ZSWIM8: variants seen among roughly 807,000 people sequenced by gnomAD.
ZSWIM8 encodes zinc finger SWIM domain-containing protein 8.
ZSWIM8 carries 27 observed loss-of-function variants against 173.7 expected under a neutral mutation model. The ratio of observed to expected loss-of-function variants is 0.16; its 90% CI spans 0.11 to 0.21. The LOEUF is 0.21. Among genes scored for constraint, ZSWIM8 ranks in the 10% least tolerant of loss-of-function variants. The probability of loss-of-function intolerance (pLI) is 1.00; values close to 1 mark genes in which losing one functional copy is unlikely to be tolerated. For missense variants in ZSWIM8, 1,627 were observed against 2,428.8 expected, an observed-to-expected ratio of 0.67 and a Z score of 6.94; for synonymous variants, 958 against 962.0, an observed-to-expected ratio of 1.00 and a Z score of 0.08.
In ZSWIM8 at chr10:73,800,108, C is replaced by T; in HGVS notation, c.4763C>T (p.Ala1588Val). 1.2e-6 allele frequency: 2 copies of T among 1,613,892 alleles called. No individual in the cohort carries two copies. The highest frequency in any genetic ancestry group is 4.5e-5 in the East Asian group (2 of 44,882). The change falls in exon 22 of 26, where the codon GCA (alanine) becomes GTA (valine). Residue 1588 changes from alanine (A) to valine (V), a missense_variant. Transcript: ENST00000604729. This position sits in a 1 kb window ranked among gnomAD's most constrained non-coding sequence, Gnocchi z 4.1. The part of the protein sequence containing the change: ...TAVSFPVPSM[A>V]PITVHPYHTE... ...GTGTCTTTCCCCGTTCCTTCCATGG[C>T]ACCCATCACAGTACATCCCTACCAC...
rs1290664720 is a variant in ZSWIM8, at chr10:73,789,052, G to A, written c.363-44G>A. On this transcript the variant is annotated intron_variant, in intron 2 of 25. Transcript: ENST00000604729. This position sits in a 1 kb window ranked among gnomAD's most constrained non-coding sequence, Gnocchi z 6.8. ...GTGGTCTCTGACAGGGTCTGCCAAA[G>A]GTTATTTGCTGAGTTGTGGCTGTGT... 3.7e-6 allele frequency: 6 copies of A among 1,601,854 alleles called. No individual in the cohort carries two copies. The highest frequency in any genetic ancestry group is 2.7e-5 in the African/African-American group (2 of 74,006).
Position 73,792,057 on chromosome 10 carries a change from G to C in ZSWIM8, c.1518G>C (p.Leu506=), listed in dbSNP as rs750600342. 6.5e-7 allele frequency: 1 copy of C among 1,544,034 alleles called. No homozygotes were observed. Among genetic ancestry groups the C allele is most frequent in the South Asian group, 1.2e-5 (1 of 83,886 alleles). ...TYSGTDRKLA[L]CWARALPSRP... Reference sequence around the variant, plus strand: ...GCGGCACTGACAGGAAGCTGGCACTGTGCTGGGCCCGGGCCCTGCCCTCTC... The same window carrying C: ...GCGGCACTGACAGGAAGCTGGCACTCTGCTGGGCCCGGGCCCTGCCCTCTC... The change falls in exon 10 of 26, where the codon CTG becomes CTC. Residue 506 remains leucine (L), a synonymous_variant. Coordinates refer to ENST00000604729, the MANE Select transcript of ZSWIM8 (RefSeq NM_001367799.1). The surrounding 1 kb of genome is among the most constrained non-coding windows in gnomAD (Gnocchi z 4.3).
Position 73,797,923 on chromosome 10 carries a change from C to T in ZSWIM8, c.3805C>T (p.Pro1269Ser), listed in dbSNP as rs1424539403. Residue 1269 changes from proline to serine, a missense_variant, in exon 19 of 26, where the codon CCA becomes TCA. Physicochemically the swap from Pro to Ser is moderately conservative, Grantham distance 74. Around this residue, in one of 18 missense-constraint regions of ZSWIM8, gnomAD observed 95 missense variants for 271.3 expected, o/e 0.35. Transcript: ENST00000604729. The surrounding 1 kb of genome is among the most constrained non-coding windows in gnomAD (Gnocchi z 5.6). ...CAGCAGCACTTCCATTTTCACACATCCATCTTCCTCAGGGGGCCACCAGGG... is the reference window on the plus strand; with the variant it reads ...CAGCAGCACTTCCATTTTCACACATTCATCTTCCTCAGGGGGCCACCAGGG... ...GNSSTSIFTH[P>S]SSSGGHQGPH... 1.9e-6 allele frequency: 3 copies of T among 1,614,002 alleles called. No homozygotes were observed. Among genetic ancestry groups the T allele is most frequent in the Non-Finnish European group, 1.7e-6 (2 of 1,179,904 alleles).
intron 1 of ZSWIM8, 129 bp from the exon 2 acceptor site, chr10:73,788,541 A>G: frequency 8.5e-7 from 1 of 1,183,310 alleles, no homozygotes; most frequent in Non-Finnish European, 1.2e-6. Context: ...TAGGACTTTC[A>G]TCCAGGTCTC....
Position 73,797,753 on chromosome 10 carries a change from C to T in ZSWIM8, c.3663-28C>T, listed in dbSNP as rs1454371274. On this transcript the variant is annotated intron_variant, in intron 18 of 25. Coordinates refer to ENST00000604729, the MANE Select transcript of ZSWIM8 (RefSeq NM_001367799.1). The surrounding 1 kb of genome is among the most constrained non-coding windows in gnomAD (Gnocchi z 5.6). ...ATGCCCATTTCAAAGAAACCCCAAC[C>T]CCCGTCCCTACCCCATTGCCCCTTC... 1.1e-5 allele frequency: 18 copies of T among 1,601,492 alleles called. No homozygotes were observed. Among genetic ancestry groups the T allele is most frequent in the Non-Finnish European group, 1.5e-5 (18 of 1,172,138 alleles).
intron 1 of ZSWIM8, among the ~76,000 whole-genome samples, chr10:73,787,579 C>T (rs1338023133): frequency 6.6e-6 from 1 of 152,100 alleles, no homozygotes; most frequent in Non-Finnish European, 1.5e-5. Context: ...TGGCCAGGTG[C>T]GGTGGCTCGT....
rs1206740912 is a variant in ZSWIM8 at position 73,797,252 on chromosome 10, G to A, written c.3414G>A (p.Arg1138=). ...YNGRGWGSPG[R]PKKKHTGMAS... is the part of the protein sequence containing the mutation. ...GACGGGGATGGGGGTCCCCAGGACG[G>A]CCTAAGAAGAAGCACACAGGTAGGA... The change falls in exon 17 of 26, where the codon CGG becomes CGA. Residue 1138 remains arginine (R), a synonymous_variant. Coordinates refer to ENST00000604729, the MANE Select transcript of ZSWIM8 (RefSeq NM_001367799.1). This position sits in a 1 kb window ranked among gnomAD's most constrained non-coding sequence, Gnocchi z 5.6. 4 of 1,613,882 alleles carry A rather than the reference G, an allele frequency of 2.5e-6. No individual in the cohort carries two copies. Among genetic ancestry groups the A allele is most frequent in the Admixed American group, 1.7e-5 (1 of 60,008 alleles).
chr10:73,792,143 C>T lies in ZSWIM8; in HGVS notation c.1604C>T (p.Pro535Leu), dbSNP rs1339545420. 1 of 1,531,832 alleles carries T rather than the reference C, an allele frequency of 6.5e-7. No individual in the cohort carries two copies. The highest frequency in any genetic ancestry group is 8.8e-7 in the Non-Finnish European group (1 of 1,140,048). 94.9% of individuals were successfully genotyped at this position (1,531,832 alleles called of 1,614,324 possible). Residue 535 changes from proline (P) to leucine (L), a missense_variant, in exon 10 of 26, where the codon CCT becomes CTT. Transcript: ENST00000604729. This position sits in a 1 kb window ranked among gnomAD's most constrained non-coding sequence, Gnocchi z 4.3. ...EESRDRPRPL[P>L]TEPAVRPKEP... ...TCCCGGGACCGGCCCCGACCCCTTC[C>T]TACTGAGCCAGCTGTGCGGCCCAAG... is the stretch of plus-strand genomic sequence containing the variant.
chr10:73,788,551 C>T, intron 1 of ZSWIM8, 119 bp from the exon 2 acceptor site: 4 of 1,277,644 alleles, frequency 3.1e-6, no homozygotes, highest in East Asian at 2.4e-5. Context: ...ATCCAGGTCT[C>T]TTCTTTCTTT....
rs2083528762 is a variant in ZSWIM8, at chr10:73,794,291, A to G, written c.2770A>G (p.Met924Val). The G allele has an allele frequency of 6.2e-7, 1 of 1,613,270 alleles. No individual in the cohort carries two copies. Among genetic ancestry groups the G allele is most frequent in the Non-Finnish European group, 8.5e-7 (1 of 1,179,278 alleles). ...LCDYRPVLPL[M>V]LASFIFDVLC... is the part of the protein sequence containing the mutation. ...TGACTATCGGCCTGTGTTGCCTCTC[A>G]TGCTGGCCAGTTTCATCTTTGACGT... The change falls in exon 13 of 26, where the codon ATG becomes GTG. Residue 924 changes from methionine to valine, a missense_variant. Met to Val is a conservative substitution (Grantham distance 21). Coordinates refer to ENST00000604729, the MANE Select transcript of ZSWIM8 (RefSeq NM_001367799.1).
chr10:73,800,927 T>G lies in ZSWIM8; in HGVS notation c.5123-90T>G, dbSNP rs1006043482. 3.9e-5 allele frequency: 53 copies of G among 1,364,486 alleles called. No homozygotes were observed. Among genetic ancestry groups the G allele is most frequent in the Non-Finnish European group, 4.7e-5 (47 of 1,000,406 alleles). 84.5% of individuals were successfully genotyped at this position (1,364,486 alleles called of 1,614,324 possible). On this transcript the variant is annotated intron_variant, in intron 24 of 25. Transcript: ENST00000604729. This position sits in a 1 kb window ranked among gnomAD's most constrained non-coding sequence, Gnocchi z 4.1. The stretch of plus-strand genomic sequence containing the variant: ...CTCAGCTCCTGGGGTGGAGGGAGGC[T>G]CTCTGCCAGGCCAGAGCTGAGATCT...
At chr10:73,786,445 A>C in intron 1 of ZSWIM8, 1 of 240,168 alleles carries the variant, frequency 4.2e-6, no homozygotes, top group East Asian at 7.6e-5. Flanking sequence ...AGGGAGAAGA[A>C]TCTTGTCTTT....
rs776547086 is a variant in ZSWIM8 at position 73,799,321 on chromosome 10, G to A, written c.4496G>A (p.Gly1499Asp). ...TCGGTGGGGTCTAGTTTATACCCGG[G>A]TCCAGGACTGGGGCATGGCCACTCC... ...VISVGSSLYP[G>D]PGLGHGHSPG... The change falls in exon 21 of 26, where the codon GGT becomes GAT. Residue 1499 changes from glycine to aspartate, a missense_variant. This residue lies in a region of ZSWIM8 where 275 missense variants were observed against 290.1 expected (regional missense o/e 0.95). Coordinates refer to ENST00000604729, the MANE Select transcript of ZSWIM8 (RefSeq NM_001367799.1). The A allele has an allele frequency of 6.2e-7, 1 of 1,608,788 alleles. No homozygotes were observed. The highest frequency in any genetic ancestry group is 8.5e-7 in the Non-Finnish European group (1 of 1,177,792).
intron 7 of ZSWIM8, 23 bp downstream of exon 7, chr10:73,790,315 TGTGTCTGTG>T (rs1229337344): frequency 6.3e-7 from 1 of 1,576,072 alleles, no homozygotes; most frequent in Non-Finnish European, 8.6e-7. Flanking sequence ...TCTGCATACC[TGTGTCTGTG>T]GTGGAGGGGG....
Position 73,797,652 on chromosome 10 carries a change from G to T in ZSWIM8, c.3662+47G>T. 6.2e-7 allele frequency: 1 copy of T among 1,601,600 alleles called. No individual in the cohort carries two copies. Among genetic ancestry groups the T allele is most frequent in the Non-Finnish European group, 8.5e-7 (1 of 1,171,952 alleles). On this transcript the variant is annotated intron_variant, in intron 18 of 25. Transcript: ENST00000604729. This position sits in a 1 kb window ranked among gnomAD's most constrained non-coding sequence, Gnocchi z 5.6. ...TCTTCCCTGATCTGGCCCACCCTCA[G>T]AGCCACACCCCTAGTGCAATCCAAC...
rs2083963546 is a variant in ZSWIM8, at chr10:73,801,545, A to G, written c.*26A>G. The G allele has an allele frequency of 6.2e-7, 1 of 1,611,018 alleles. No individual in the cohort carries two copies. The highest frequency in any genetic ancestry group is 1.1e-5 in the South Asian group (1 of 90,824). On this transcript the variant is annotated 3_prime_UTR_variant, in exon 26 of 26. Transcript: ENST00000604729. This position sits in a 1 kb window ranked among gnomAD's most constrained non-coding sequence, Gnocchi z 4.9. ...GTCTTTCACCCTTAGGGTCCTATAC[A>G]GGGACCCAGGCCTGTGGCTATGGGG...
chr10:73,790,625 G>T (rs1320745780), intron 7 of ZSWIM8, among the ~76,000 whole-genome samples: 1 of 152,170 alleles, frequency 6.6e-6, no homozygotes, highest in Admixed American at 6.5e-5. Context: ...GACGTGGGCA[G>T]ATCACCTGAG....
At position 73,792,915 on chromosome 10, in the gene ZSWIM8, G is replaced by C. The variant is rs920898745; in HGVS notation, c.2313+63G>C. 2 of 1,493,922 alleles carry C rather than the reference G, an allele frequency of 1.3e-6. No individual in the cohort carries two copies. The highest frequency in any genetic ancestry group is 1.8e-6 in the Non-Finnish European group (2 of 1,127,150). 92.5% of individuals were successfully genotyped at this position (1,493,922 alleles called of 1,614,324 possible). A position where few individuals can be genotyped will look rare whatever the true frequency, so the allele number is the denominator to read the frequency against. ...AGCCACAACTGGGAGGGGCTATCTA[G>C]CTCTAGTTGGGAGTGTCAGGACCAT... On this transcript the variant is annotated intron_variant, in intron 10 of 25. Coordinates refer to ENST00000604729, the MANE Select transcript of ZSWIM8 (RefSeq NM_001367799.1). This position sits in a 1 kb window ranked among gnomAD's most constrained non-coding sequence, Gnocchi z 4.3.
In ZSWIM8 at chr10:73,800,528, G is replaced by A. The variant is rs2083892433; in HGVS notation, c.5002+56G>A. 6 of 1,606,802 alleles carry A rather than the reference G, an allele frequency of 3.7e-6. No individual in the cohort carries two copies. In the South Asian group the frequency reaches 5.6e-5, roughly 15 times the overall value. On this transcript the variant is annotated intron_variant, in intron 23 of 25. Coordinates refer to ENST00000604729, the MANE Select transcript of ZSWIM8 (RefSeq NM_001367799.1). The surrounding 1 kb of genome is among the most constrained non-coding windows in gnomAD (Gnocchi z 4.1). The stretch of plus-strand genomic sequence containing the variant: ...CTGCAGTTGTGCCAGTGGCTCTTCA[G>A]AGGACCCTTCCTCTAGCTCTTCATT...
Sources: allele counts gnomAD v4.1 joint callset (sites outside exome capture counted in the v4.1 genomes callset), GRCh38; gene constraint gnomAD v4.1.1; regional missense constraint gnomAD v4.1.1; non-coding constraint Gnocchi (gnomAD v3.1); transcripts MANE v1.5; gene names NCBI Gene and HGNC (gene_info 2026-07-23, HGNC 2026-07-21).